LRRTM4: variants seen among roughly 807,000 people sequenced by gnomAD.
The protein encoded by LRRTM4 is leucine rich repeat transmembrane neuronal 4, also known as leucine-rich repeat transmembrane neuronal protein 4.
Under a neutral mutation model 47.6 loss-of-function variants are expected in LRRTM4, and 25 were observed. That is an observed-to-expected ratio of 0.53 (90% CI 0.38 to 0.73). The LOEUF is 0.73. Among genes scored for constraint, LRRTM4 ranks in the 30% least tolerant of loss-of-function variants. The probability of loss-of-function intolerance (pLI) is 0.00; values close to 1 mark genes in which losing one functional copy is unlikely to be tolerated. For synonymous variants in LRRTM4, 311 were observed against 269.5 expected (o/e 1.15, Z -1.51); for missense variants, 638 against 713.4 (o/e 0.89, Z 1.20).
chr2:77,336,965 G>A (rs1229528696), intron 3 of LRRTM4, among the ~76,000 whole-genome samples: 1 of 152,056 alleles, frequency 6.6e-6, no homozygotes, highest in Non-Finnish European at 1.5e-5. Context: ...TAGACATAGA[G>A]CACTCAAGAT....
chr2:77,218,374 C>T (rs4853306), intron 3 of LRRTM4, among the ~76,000 whole-genome samples: 104,681 of 151,952 alleles, frequency 0.69, 36,721 homozygotes, highest in African/African-American at 0.84. Context: ...TTATTTCAGA[C>T]TTTTTTTATC....
chr2:76,965,015 T>C (rs536319104), intron 3 of LRRTM4, among the ~76,000 whole-genome samples: 7 of 151,146 alleles, frequency 4.6e-5, no homozygotes, highest in African/African-American at 1.7e-4. Context: ...ATTAAGCCCA[T>C]ATCTATTAAT....
intron 3 of LRRTM4, among the ~76,000 whole-genome samples, chr2:77,260,984 AT>A (rs141283434): frequency 6.6e-6 from 1 of 151,892 alleles, no homozygotes; most frequent in Admixed American, 6.6e-5. Context: ...CATATTTCCT[AT>A]TTTTTTCATT....
At chr2:77,278,343 T>G (rs1382655977) in intron 3 of LRRTM4, among the ~76,000 whole-genome samples, 2 of 152,038 alleles carry the variant, frequency 1.3e-5, no homozygotes, top group Non-Finnish European at 2.9e-5. Flanking sequence ...AAACCAATTG[T>G]TAAGTTAAAA....
At chr2:76,780,012 C>T (rs986549445) in intron 3 of LRRTM4, among the ~76,000 whole-genome samples, 5 of 152,098 alleles carry the variant, frequency 3.3e-5, no homozygotes, top group Non-Finnish European at 7.4e-5. Context: ...ATTTCTCCTT[C>T]ACTTATGAAG....
chr2:76,841,766 A>G (rs1165417678), intron 3 of LRRTM4, among the ~76,000 whole-genome samples: 1 of 152,034 alleles, frequency 6.6e-6, no homozygotes, highest in Non-Finnish European at 1.5e-5. Context: ...ATAAAAATGA[A>G]AGAAGGCAAA....
rs555753197 is a variant in LRRTM4 at position 77,421,482 on chromosome 2, C to A, written c.1551+96836G>T. Reference sequence around the variant, plus strand: ...CAGCACTTCGGGAGGCCGAGGCGGGCGGATCACGAAGTCAGGAGATCGAGA... The same window carrying A: ...CAGCACTTCGGGAGGCCGAGGCGGGAGGATCACGAAGTCAGGAGATCGAGA... On this transcript the variant is annotated intron_variant, in intron 3 of 3. Coordinates refer to ENST00000409884, the MANE Select transcript of LRRTM4 (RefSeq NM_001134745.3). 2.0e-5 allele frequency among the ~76,000 whole-genome samples: 3 copies of A among 151,940 alleles called. No homozygotes were observed. The East Asian group carries it at 5.8e-4, about 29-fold the overall frequency.
At chr2:77,045,153 T>C (rs1018159721) in intron 3 of LRRTM4, among the ~76,000 whole-genome samples, 5 of 151,890 alleles carry the variant, frequency 3.3e-5, no homozygotes, top group Admixed American at 6.6e-5. Context: ...TAACTCTACA[T>C]GGAGAGGCAG....
intron 3 of LRRTM4, among the ~76,000 whole-genome samples, chr2:77,121,965 C>T (rs1475653462): frequency 6.6e-6 from 1 of 151,680 alleles, no homozygotes; most frequent in Non-Finnish European, 1.5e-5. Flanking sequence ...TTTATAATAT[C>T]ATTATTAGCA....
intron 3 of LRRTM4, among the ~76,000 whole-genome samples, chr2:77,228,893 T>C (rs926880132): frequency 1.2e-4 from 19 of 152,146 alleles, no homozygotes; most frequent in Admixed American, 4.6e-4. Flanking sequence ...CTGTTACCTC[T>C]CCTGTCTCCC....
At chr2:76,976,468 G>A (rs576820095) in intron 3 of LRRTM4, among the ~76,000 whole-genome samples, 2 of 151,202 alleles carry the variant, frequency 1.3e-5, no homozygotes, top group African/African-American at 2.4e-5. Context: ...TTAATTATGA[G>A]ACAAAATGTT....
chr2:77,420,360 T>C (rs893560509), intron 3 of LRRTM4, among the ~76,000 whole-genome samples: 1 of 152,146 alleles, frequency 6.6e-6, no homozygotes, highest in Non-Finnish European at 1.5e-5. Flanking sequence ...CAAATTATAT[T>C]CATTGGAATT....
At chr2:77,319,645 G>C (rs1361149247) in intron 3 of LRRTM4, among the ~76,000 whole-genome samples, 1 of 152,160 alleles carries the variant, frequency 6.6e-6, no homozygotes, top group Non-Finnish European at 1.5e-5. Context: ...AAATATCTCA[G>C]ATTTTCTGGC....
At chr2:77,102,205 C>T (rs1232564125) in intron 3 of LRRTM4, among the ~76,000 whole-genome samples, 8 of 152,196 alleles carry the variant, frequency 5.3e-5, no homozygotes, top group Admixed American at 3.9e-4. Flanking sequence ...TCCACCACAA[C>T]CCCGCACCCT....
intron 3 of LRRTM4, chr2:77,516,772 C>CA: frequency 1.0e-6 from 1 of 973,506 alleles, no homozygotes; most frequent in Non-Finnish European, 1.2e-6. Flanking sequence ...CAATGATACA[C>CA]AAAAAAGAAG....
intron 3 of LRRTM4, among the ~76,000 whole-genome samples, chr2:76,968,383 T>TATATATATATATAC (rs797010446): frequency 9.9e-5 from 11 of 111,408 alleles, no homozygotes; most frequent in East Asian, 3.3e-4. Context: ...TATATATATA[T>TATATATATATATAC]ACACATACAT....
chr2:77,232,344 C>A (rs774453019), intron 3 of LRRTM4, among the ~76,000 whole-genome samples: 2 of 152,198 alleles, frequency 1.3e-5, no homozygotes, highest in Admixed American at 1.3e-4. Flanking sequence ...TTCCTAGGAA[C>A]AGAGTTTGAG....
intron 3 of LRRTM4, among the ~76,000 whole-genome samples, chr2:77,308,637 T>A (rs980626806): frequency 3.3e-5 from 5 of 152,124 alleles, no homozygotes; most frequent in Non-Finnish European, 7.4e-5. Flanking sequence ...AAATACCATT[T>A]TATCTCCCCA....
chr2:77,273,958 A>G lies in LRRTM4; in HGVS notation c.1551+244360T>C, dbSNP rs1302321183. Among the ~76,000 whole-genome samples the G allele has an allele frequency of 2.0e-5, 3 of 152,136 alleles. No homozygotes were observed. In the East Asian group the frequency reaches 5.8e-4, roughly 29 times the overall value. On this transcript the variant is annotated intron_variant, in intron 3 of 3. Coordinates refer to ENST00000409884, the MANE Select transcript of LRRTM4 (RefSeq NM_001134745.3). Reference sequence around the variant, plus strand: ...GTAGTTAGAAAATTCTTAGGAAATGACCTTCATGAAATCCTTTTTTTTAAG... The same window carrying G: ...GTAGTTAGAAAATTCTTAGGAAATGGCCTTCATGAAATCCTTTTTTTTAAG...
Sources: gnomAD v4.1 joint callset for allele counts (sites outside exome capture counted in the v4.1 genomes callset) on GRCh38, gnomAD v4.1.1 for gene constraint, MANE v1.5 for transcripts, NCBI Gene and HGNC (gene_info 2026-07-23, HGNC 2026-07-21) for gene names.